The following SLC3A1 variants were observed in gnomAD, a reference collection of about 807,000 sequenced individuals.
SLC3A1 encodes amino acid transporter heavy chain SLC3A1.
Under a neutral mutation model 60.3 loss-of-function variants are expected in SLC3A1, and 78 were observed. The ratio of observed to expected loss-of-function variants is 1.29; its 90% CI spans 1.08 to 1.56. The LOEUF (loss-of-function observed/expected upper bound fraction) is 1.56, where lower values mean the gene tolerates loss of function less well. Among genes scored for constraint, SLC3A1 ranks in the 40% most tolerant of loss-of-function variants. The pLI is 0.00. For synonymous variants in SLC3A1, 392 were observed against 307.9 expected (o/e 1.27, Z -2.86); for missense variants, 1,172 against 858.9 (o/e 1.36, Z -4.56).
intron 1 of SLC3A1, among the ~76,000 whole-genome samples, chr2:44,278,731 A>G (rs937840362): frequency 5.3e-5 from 8 of 152,074 alleles, no homozygotes; most frequent in Non-Finnish European, 8.8e-5. Flanking sequence ...ACAAAGTTCT[A>G]AATACAAAGT....
downstream of SLC3A1, chr2:44,321,756 CCACT>C (rs1267314260): frequency 6.2e-7 from 1 of 1,612,934 alleles, no homozygotes; most frequent in Non-Finnish European, 8.5e-7. Flanking sequence ...CCTGCTGCAA[CCACT>C]GAAAATGTGA....
In SLC3A1 at chr2:44,281,403, C is replaced by G; in HGVS notation, c.627C>G (p.Ile209Met). The G allele has an allele frequency of 6.2e-7, 1 of 1,612,772 alleles. No homozygotes were observed. Among genetic ancestry groups the G allele is most frequent in the African/African-American group, 1.3e-5 (1 of 74,996 alleles). The change falls in exon 3 of 10, where the codon ATC becomes ATG. Residue 209 changes from isoleucine to methionine, a missense_variant. By Grantham distance (10) the Ile-to-Met change is conservative. Coordinates refer to ENST00000260649, the MANE Select transcript of SLC3A1 (RefSeq NM_000341.4). Reference protein sequence around the residue: ...AIHDKGLKLIIDFIPNHTSDK... With the variant: ...AIHDKGLKLIMDFIPNHTSDK... ...ACTCATTAGGTTTAAAATTAATCAT[C>G]GATTTCATACCAAACCACACGAGTG...
intron 3 of SLC3A1, among the ~76,000 whole-genome samples, chr2:44,281,917 C>T (rs1167315359): frequency 1.3e-5 from 2 of 152,152 alleles, no homozygotes; most frequent in African/African-American, 2.4e-5. Context: ...TCTTGTCTCC[C>T]AGGCTGGAGT....
intron 6 of SLC3A1, among the ~76,000 whole-genome samples, chr2:44,303,647 GGTATACATGT>G (rs1238878179): frequency 2.0e-5 from 3 of 151,894 alleles, no homozygotes; most frequent in African/African-American, 7.3e-5. Context: ...TTGTTACATA[GGTATACATGT>G]GCCATGTTGG....
Position 44,280,406 on chromosome 2 carries a change from T to A in SLC3A1, c.431-310T>A, listed in dbSNP as rs1210737876. Among the ~76,000 whole-genome samples the A allele has an allele frequency of 3.9e-5, 6 of 152,190 alleles. No individual in the cohort carries two copies. In the East Asian group the frequency reaches 7.7e-4, roughly 20 times the overall value. ...GGCATGTGGTACTGTACCCAGCTAA[T>A]TTTTGTATTTTTAATAGAGACGGGG... On this transcript the variant is annotated intron_variant, in intron 1 of 9. Transcript: ENST00000260649.
chr2:44,309,788 G>A (rs1175392774), intron 7 of SLC3A1, among the ~76,000 whole-genome samples: 2 of 152,168 alleles, frequency 1.3e-5, no homozygotes, highest in African/African-American at 4.8e-5. Context: ...TAGTAGAAAT[G>A]GGGTTTTACC....
At chr2:44,316,592 AAAGG>A (rs1558471620) in intron 9 of SLC3A1, 2 of 152,252 alleles carry the variant, frequency 1.3e-5, no homozygotes, top group African/African-American at 2.4e-5. Flanking sequence ...ACCCAGAGAT[AAAGG>A]AAGACTTTGT....
chr2:44,320,345 C>T lies in SLC3A1; in HGVS notation c.1764C>T (p.Gly588=), dbSNP rs1034817277. The T allele has an allele frequency of 6.2e-7, 1 of 1,614,124 alleles. No homozygotes were observed. Among genetic ancestry groups the T allele is most frequent in the Admixed American group, 1.7e-5 (1 of 60,020 alleles). The change falls in exon 10 of 10, where the codon GGC becomes GGT. Residue 588 remains glycine (G), a synonymous_variant. Coordinates refer to ENST00000260649, the MANE Select transcript of SLC3A1 (RefSeq NM_000341.4). ...TTGTGTACACAAGAGAGCTGGATGG[C>T]ATCGACAGAATCTTTATCGTGGTTC... ...HYVVYTRELD[G]IDRIFIVVLN... is the part of the protein sequence containing the mutation.
intron 4 of SLC3A1, among the ~76,000 whole-genome samples, chr2:44,297,336 G>A (rs1671877692): frequency 6.6e-6 from 1 of 152,146 alleles, no homozygotes; most frequent in Admixed American, 6.5e-5. Context: ...TGAGGCTCAG[G>A]ACCTCTGCTT....
chr2:44,304,708 CAA>C (rs1459132379), intron 7 of SLC3A1, among the ~76,000 whole-genome samples: 1 of 150,644 alleles, frequency 6.6e-6, no homozygotes, highest in East Asian at 1.9e-4. Context: ...AAAACTGTGA[CAA>C]AACACCAATT....
Position 44,275,815 on chromosome 2 carries a change from G to A in SLC3A1, c.280G>A (p.Val94Met). ...TCGGGAGATCCTCTTCTGGCTCACAGTGGCTTCTGTGCTGGTGCTCATCGC... is the reference window on the plus strand; with the variant it reads ...TCGGGAGATCCTCTTCTGGCTCACAATGGCTTCTGTGCTGGTGCTCATCGC... ...IPREILFWLT[V>M]ASVLVLIAAT... Residue 94 changes from valine (V) to methionine (M), a missense_variant, in exon 1 of 10, where the codon GTG becomes ATG. By Grantham distance (21) the Val-to-Met change is conservative (BLOSUM62 1). Coordinates refer to ENST00000260649, the MANE Select transcript of SLC3A1 (RefSeq NM_000341.4). 6.2e-7 allele frequency: 1 copy of A among 1,614,262 alleles called. No individual in the cohort carries two copies. The highest frequency in any genetic ancestry group is 8.5e-7 in the Non-Finnish European group (1 of 1,180,052).
At chr2:44,312,474 C>A in intron 7 of SLC3A1, 112 bp from the exon 8 acceptor site, 1 of 1,148,368 alleles carries the variant, frequency 8.7e-7, no homozygotes, top group Non-Finnish European at 1.3e-6. Flanking sequence ...TTGCTAGTAC[C>A]AAGGTACCAC....
At chr2:44,318,099 T>C (rs993458470) in intron 9 of SLC3A1, 1 of 393,666 alleles carries the variant, frequency 2.5e-6, no homozygotes, top group Non-Finnish European at 5.2e-6. Context: ...AACACTGTTT[T>C]TTTTTTTTTT....
intron 7 of SLC3A1, among the ~76,000 whole-genome samples, chr2:44,312,083 T>C (rs1672312053): frequency 6.6e-6 from 1 of 152,210 alleles, no homozygotes; most frequent in South Asian, 2.1e-4. Context: ...AACATGGAAA[T>C]ATATTTACAA....
chr2:44,318,630 T>TTTC, intron 9 of SLC3A1: 1 of 152,552 alleles, frequency 6.6e-6, no homozygotes, highest in Non-Finnish European at 1.5e-5. Context: ...TATGCAAACA[T>TTTC]ATGATACATT....
chr2:44,307,649 T>C (rs947154223), intron 7 of SLC3A1, among the ~76,000 whole-genome samples: 4 of 152,070 alleles, frequency 2.6e-5, no homozygotes, highest in African/African-American at 7.2e-5. Flanking sequence ...GCATGTCTTA[T>C]TTGGAGTAAT....
chr2:44,292,279 T>C (rs766483611), intron 4 of SLC3A1, among the ~76,000 whole-genome samples: 24 of 152,132 alleles, frequency 1.6e-4, no homozygotes, highest in Non-Finnish European at 2.9e-4. Context: ...CTGTCCCTAC[T>C]AAGCATGATA....
rs963413137 is a variant in SLC3A1 at position 44,304,193 on chromosome 2, A to C, written c.1187A>C (p.Tyr396Ser). Residue 396 changes from tyrosine (Y) to serine (S), a missense_variant, in exon 7 of 10, where the codon TAC (tyrosine) becomes TCC (serine). Physicochemically the swap from Tyr to Ser is moderately radical, Grantham distance 144 (BLOSUM62 -2). Coordinates refer to ENST00000260649, the MANE Select transcript of SLC3A1 (RefSeq NM_000341.4). ...GAGAGTATTGACAGGACCGTGATGT[A>C]CTATGGATTGCCATTTATCCAAGAA... ...YAESIDRTVM[Y>S]YGLPFIQEAD... 3.1e-6 allele frequency: 5 copies of C among 1,614,098 alleles called. No individual in the cohort carries two copies. The highest frequency in any genetic ancestry group is 2.2e-5 in the East Asian group (1 of 44,884).
At chr2:44,312,397 T>C (rs1672320345) in intron 7 of SLC3A1, among the ~76,000 whole-genome samples, 189 bp from the exon 8 acceptor site, 1 of 152,224 alleles carries the variant, frequency 6.6e-6, no homozygotes, top group African/African-American at 2.4e-5. Flanking sequence ...TTCTTGCTCA[T>C]CAGTGGCCAA....
Sources: allele counts gnomAD v4.1 joint callset (sites outside exome capture counted in the v4.1 genomes callset), GRCh38; gene constraint gnomAD v4.1.1; transcripts MANE v1.5; gene names NCBI Gene and HGNC (gene_info 2026-07-23, HGNC 2026-07-21).